The following RUFY1 variants were observed in gnomAD, a reference collection of about 807,000 sequenced individuals.
RUFY1 encodes the protein RUN and FYVE domain-containing protein 1.
RUFY1 carries 54 observed loss-of-function variants against 94.6 expected under a neutral mutation model. That is an observed-to-expected ratio of 0.57 (90% CI 0.46 to 0.72). The LOEUF is 0.72. RUFY1 is among the 30% of genes least tolerant of loss of function. The probability of loss-of-function intolerance (pLI) is 0.00; values close to 1 mark genes in which losing one functional copy is unlikely to be tolerated. For synonymous variants in RUFY1, 396 were observed against 347.3 expected (o/e 1.14, Z -1.56); for missense variants, 883 against 883.9 (o/e 1.00, Z 0.01).
chr5:179,602,337 GT>G, intron 15 of RUFY1: 1 of 224,774 alleles, frequency 4.4e-6, no homozygotes, highest in Non-Finnish European at 9.0e-6. Flanking sequence ...AGCAGGGCTG[GT>G]TTGGGAACGG....
In RUFY1 at chr5:179,550,882, AGGCTCG is replaced by A; in HGVS notation, c.310+7_310+12del. The A allele has an allele frequency of 8.6e-7, 1 of 1,157,286 alleles. No individual in the cohort carries two copies. The allele number at this position is 1,157,286 out of a possible 1,614,324, so 71.7% of individuals were successfully genotyped here. On this transcript the variant is annotated splice_donor_5th_base_variant and intron_variant, in intron 1 of 17. Transcript: ENST00000319449. ...CGGGGACGGCACGGCGCGCGCAGGT[AGGCTCG>A]GGCCGGGTCTGTCCCGCGGCGGACT...
chr5:179,552,098 G>C (rs1456536203), intron 1 of RUFY1, among the ~76,000 whole-genome samples: 1 of 142,658 alleles, frequency 7.0e-6, no homozygotes, highest in Non-Finnish European at 1.5e-5. Flanking sequence ...CTGGGAGGCA[G>C]AGGTTGCAGT....
chr5:179,594,833 G>C, intron 11 of RUFY1, 33 bp from the exon 12 acceptor site: 1 of 1,406,366 alleles, frequency 7.1e-7, no homozygotes, highest in Non-Finnish European at 1.0e-6. Flanking sequence ...ATGTGGGACA[G>C]GCAGAGTATG....
At chr5:179,551,050 A>C (rs1191695338) in intron 1 of RUFY1, among the ~76,000 whole-genome samples, 171 bp downstream of exon 1, 1 of 151,682 alleles carries the variant, frequency 6.6e-6, no homozygotes, top group African/African-American at 2.4e-5. Flanking sequence ...CCGGCGGCCC[A>C]GCCGAGACCG....
At chr5:179,573,605 C>T (rs1224017470) in intron 5 of RUFY1, among the ~76,000 whole-genome samples, 2 of 152,094 alleles carry the variant, frequency 1.3e-5, no homozygotes, top group Non-Finnish European at 2.9e-5. Flanking sequence ...TCACTGCAAC[C>T]TCCGCCTCCT....
chr5:179,564,947 C>T (rs1189126540), intron 3 of RUFY1, among the ~76,000 whole-genome samples: 1 of 151,742 alleles, frequency 6.6e-6, no homozygotes, highest in African/African-American at 2.4e-5. Context: ...AGATACTCAG[C>T]GAAATAATCA....
Position 179,596,576 on chromosome 5 carries a change from AGC to A in RUFY1, c.1528_1529del (p.Arg510GlyfsTer6). The stretch of plus-strand genomic sequence containing the variant: ...GTCGCATCCAGGTTGCAGCACTCGG[AGC>A]GGGCGAGGCAGGGGGCTGAGGAGCG... On this transcript the variant is annotated frameshift_variant, in exon 13 of 18. Coordinates refer to ENST00000319449, the MANE Select transcript of RUFY1 (RefSeq NM_025158.5). LOFTEE classifies it high-confidence loss of function. The A allele has an allele frequency of 6.2e-7, 1 of 1,613,646 alleles. No individual in the cohort carries two copies. Among genetic ancestry groups the A allele is most frequent in the Admixed American group, 1.7e-5 (1 of 60,008 alleles).
rs398000079 is a variant in RUFY1 at position 179,600,684 on chromosome 5, CTTTTTTTTTTTT to C, written c.1762-1189_1762-1178del. Among the ~76,000 whole-genome samples the C allele has an allele frequency of 9.0e-3, 495 of 54,772 alleles. 2 individuals are homozygous for C. The highest frequency in any genetic ancestry group is 0.036 in the African/African-American group (446 of 12,504). The allele number at this position is 54,772 out of a possible 152,430, so 35.9% of individuals were successfully genotyped here. ...AGCCTCATTTGTCCTATGATGGTAA[CTTTTTTTTTTTT>C]TTTTTTTTTTTTTTTTTTGAGACGG... On this transcript the variant is annotated intron_variant, in intron 14 of 17. Transcript: ENST00000319449.
At chr5:179,578,525 C>A (rs923439268) in intron 6 of RUFY1, among the ~76,000 whole-genome samples, 7 of 149,514 alleles carry the variant, frequency 4.7e-5, no homozygotes, top group African/African-American at 1.7e-4. Flanking sequence ...AGTCTAGTAT[C>A]TTTTTATGCC....
intron 2 of RUFY1, among the ~76,000 whole-genome samples, chr5:179,561,179 C>A (rs1462124416): frequency 2.0e-5 from 3 of 151,942 alleles, no homozygotes; most frequent in Non-Finnish European, 4.4e-5. Flanking sequence ...CCATTGCACT[C>A]CAACCAAGGC....
intron 7 of RUFY1, among the ~76,000 whole-genome samples, chr5:179,585,481 A>G (rs1404824172): frequency 6.6e-6 from 1 of 152,168 alleles, no homozygotes; most frequent in Non-Finnish European, 1.5e-5. Flanking sequence ...CGGGAGGCTG[A>G]GGCTGGAAAA....
At chr5:179,576,538 A>G (rs1319320830) in intron 5 of RUFY1, among the ~76,000 whole-genome samples, 2 of 152,166 alleles carry the variant, frequency 1.3e-5, no homozygotes, top group Admixed American at 6.5e-5. Context: ...CTCCTGCCTC[A>G]GCTTCCCGAT....
Position 179,550,868 on chromosome 5 carries a change from C to A in RUFY1, c.299C>A (p.Thr100Lys). Residue 100 changes from threonine (T) to lysine (K), a missense_variant, in exon 1 of 18, where the codon ACG (threonine) becomes AAG (lysine). Thr to Lys is a moderately conservative substitution (Grantham distance 78, BLOSUM62 -1). Coordinates refer to ENST00000319449, the MANE Select transcript of RUFY1 (RefSeq NM_025158.5). ...GLGGGDSGDG[T>K]ARAASKCQMM... ...GGCGGCGGGGACAGCGGGGACGGCA[C>A]GGCGCGCGCAGGTAGGCTCGGGCCG... 1 of 1,175,828 alleles carries A rather than the reference C, an allele frequency of 8.5e-7. No individual in the cohort carries two copies. Among genetic ancestry groups the A allele is most frequent in the East Asian group, 4.0e-5 (1 of 25,276 alleles). 72.8% of individuals were successfully genotyped at this position (1,175,828 alleles called of 1,614,324 possible). A position where few individuals can be genotyped will look rare whatever the true frequency, so the allele number is the denominator to read the frequency against.
Position 179,567,446 on chromosome 5 carries a change from C to G in RUFY1, c.603-15C>G. 6.3e-7 allele frequency: 1 copy of G among 1,597,514 alleles called. No individual in the cohort carries two copies. The highest frequency in any genetic ancestry group is 1.7e-5 in the Admixed American group (1 of 59,880). The stretch of plus-strand genomic sequence containing the variant: ...TTGTTATGCCACAATAGTTGATTCT[C>G]TGTTTGAATTCTAGGACAGCTGTGG... On this transcript the variant is annotated splice_polypyrimidine_tract_variant and intron_variant, in intron 3 of 17. Coordinates refer to ENST00000319449, the MANE Select transcript of RUFY1 (RefSeq NM_025158.5).
At chr5:179,607,695 G>C in intron 17 of RUFY1, 36 bp downstream of exon 17, 1 of 1,566,856 alleles carries the variant, frequency 6.4e-7, no homozygotes, top group Admixed American at 1.7e-5. Flanking sequence ...CCAGTGCCCT[G>C]AGTCGTTGCC....
chr5:179,589,178 A>G (rs544423115), intron 8 of RUFY1, among the ~76,000 whole-genome samples: 1 of 152,120 alleles, frequency 6.6e-6, no homozygotes, highest in Non-Finnish European at 1.5e-5. Flanking sequence ...TTTATTGAGT[A>G]CATGTTTGTT....
At chr5:179,589,303 G>T in intron 8 of RUFY1, 1 of 444,064 alleles carries the variant, frequency 2.3e-6, no homozygotes, top group Non-Finnish European at 4.1e-6. Context: ...CATTTTTGTA[G>T]AGGGAGAAAA....
intron 17 of RUFY1, among the ~76,000 whole-genome samples, 170 bp from the exon 18 acceptor site, chr5:179,609,206 C>CAAAA (rs5873655): frequency 0.055 from 6,683 of 121,020 alleles, 220 homozygotes; most frequent in Middle Eastern, 0.074. Flanking sequence ...GACTCTATCT[C>CAAAA]AAAAAAAAAA....
chr5:179,593,694 C>T (rs575948195), intron 11 of RUFY1, 49 bp downstream of exon 11: 4 of 1,589,728 alleles, frequency 2.5e-6, no homozygotes, highest in Middle Eastern at 3.4e-4. Context: ...CTGCTGCTCG[C>T]CAGTCTTGTG....
Sources: allele counts gnomAD v4.1 joint callset (sites outside exome capture counted in the v4.1 genomes callset), GRCh38; gene constraint gnomAD v4.1.1; transcripts MANE v1.5; gene names NCBI Gene and HGNC (gene_info 2026-07-23, HGNC 2026-07-21).